CNBD1: variants seen among roughly 807,000 people sequenced by gnomAD.
CNBD1 encodes the protein cyclic nucleotide binding domain containing 1, also known as cyclic nucleotide-binding domain-containing protein 1.
In CNBD1, 71 loss-of-function variants were observed where a neutral mutation model predicts 54.4. The ratio of observed to expected loss-of-function variants is 1.30; its 90% CI spans 1.08 to 1.59. The LOEUF is 1.59. CNBD1 is among the 40% of genes most tolerant of loss of function. The pLI is 0.00. For missense variants in CNBD1, 659 were observed against 518.0 expected (o/e 1.27, Z -2.64); for synonymous variants, 182 against 170.7 (o/e 1.07, Z -0.51).
At chr8:87,423,408 G>C (rs1290307125) in intron 2 of CNBD1, among the ~76,000 whole-genome samples, 2 of 151,368 alleles carry the variant, frequency 1.3e-5, no homozygotes, top group African/African-American at 4.9e-5. Flanking sequence ...TATTGGCTGT[G>C]GGTTTGTCAC....
rs1429681140 is a variant in CNBD1 at position 87,182,811 on chromosome 8, A to G, written c.432-23182A>G. ...GATATTAGAACTTTGTCTGAAGCAT[A>G]GTTTGCAAGTATTTTCTCCCATTTA... is the stretch of plus-strand genomic sequence containing the variant. On this transcript the variant is annotated intron_variant, in intron 4 of 10. Coordinates refer to ENST00000518476, the MANE Select transcript of CNBD1 (RefSeq NM_173538.3). This position sits in a 1 kb window ranked among gnomAD's most constrained non-coding sequence, Gnocchi z 4.1. Among the ~76,000 whole-genome samples, 1 of 152,200 alleles carries G rather than the reference A, an allele frequency of 6.6e-6. No homozygotes were observed. The highest frequency in any genetic ancestry group is 1.5e-5 in the Non-Finnish European group (1 of 68,046).
At position 86,939,603 on chromosome 8, in the gene CNBD1, A is replaced by T; in HGVS notation, c.280A>T (p.Asn94Tyr). 1 of 1,583,462 alleles carries T rather than the reference A, an allele frequency of 6.3e-7. No homozygotes were observed. Among genetic ancestry groups the T allele is most frequent in the Non-Finnish European group, 8.6e-7 (1 of 1,168,800 alleles). Reference sequence around the variant, plus strand: ...CTATATTTTCTTGTTCAGGGAACTCAATGAAGGCAAAGAGGAAAGTCAACA... The same window carrying T: ...CTATATTTTCTTGTTCAGGGAACTCTATGAAGGCAAAGAGGAAAGTCAACA... ...LFKQEEQRELNEGKEESQHQQ... is the reference protein window; with the variant it reads ...LFKQEEQRELYEGKEESQHQQ... Residue 94 changes from asparagine to tyrosine, a missense_variant, in exon 4 of 11, where the codon AAT (asparagine) becomes TAT (tyrosine). Physicochemically the swap from Asn to Tyr is moderately radical, Grantham distance 143. Coordinates refer to ENST00000518476, the MANE Select transcript of CNBD1 (RefSeq NM_173538.3).
chr8:87,039,904 G>A (rs1345576987), intron 4 of CNBD1, among the ~76,000 whole-genome samples: 3 of 152,126 alleles, frequency 2.0e-5, no homozygotes, highest in Admixed American at 1.3e-4. Context: ...GGGAGTCAAT[G>A]CTGTCTTCTG....
Position 87,303,496 on chromosome 8 carries a change from T to C in CNBD1, c.1042+16825T>C, listed in dbSNP as rs1292735522. Among the ~76,000 whole-genome samples, 9 of 151,940 alleles carry C rather than the reference T, an allele frequency of 5.9e-5. No individual in the cohort carries two copies. In the East Asian group the frequency reaches 1.4e-3, roughly 23 times the overall value. On this transcript the variant is annotated intron_variant, in intron 8 of 10. Transcript: ENST00000518476. ...TATACAAAAATTAATTCAAGATGGA[T>C]TAAAGACTTAAATGTTAGACCTAAA...
intron 5 of CNBD1, among the ~76,000 whole-genome samples, chr8:87,234,647 C>G (rs1363336563): frequency 6.6e-6 from 1 of 152,008 alleles, no homozygotes; most frequent in Non-Finnish European, 1.5e-5. Flanking sequence ...CTTGGTTGTT[C>G]CATTTATAGA....
At chr8:86,955,295 G>A (rs918270193) in intron 4 of CNBD1, among the ~76,000 whole-genome samples, 7 of 152,212 alleles carry the variant, frequency 4.6e-5, no homozygotes, top group South Asian at 2.1e-4. Context: ...AAAAACATAC[G>A]TGTGCATGTG....
chr8:87,243,079 A>C (rs539549265), intron 6 of CNBD1, among the ~76,000 whole-genome samples: 9 of 152,184 alleles, frequency 5.9e-5, no homozygotes, highest in Admixed American at 1.3e-4. Context: ...TCCCAAATAC[A>C]AAATATTTCT....
At chr8:86,916,921 A>T (rs1335117767) in intron 3 of CNBD1, among the ~76,000 whole-genome samples, 2 of 148,936 alleles carry the variant, frequency 1.3e-5, no homozygotes, top group Non-Finnish European at 3.0e-5. Flanking sequence ...CCCAGACTGG[A>T]GTGCAGTGGC....
At chr8:87,349,415 G>A (rs1019745655) in intron 8 of CNBD1, among the ~76,000 whole-genome samples, 3 of 152,022 alleles carry the variant, frequency 2.0e-5, no homozygotes, top group South Asian at 2.1e-4. Context: ...TCACTCTGTC[G>A]CTCAGGTGGG....
At chr8:86,981,932 A>T (rs1339138996) in intron 4 of CNBD1, among the ~76,000 whole-genome samples, 1 of 152,204 alleles carries the variant, frequency 6.6e-6, no homozygotes, top group Admixed American at 6.5e-5. Flanking sequence ...AACACACAGA[A>T]GTGGGATTCC....
chr8:87,040,623 A>T (rs765955786), intron 4 of CNBD1, among the ~76,000 whole-genome samples: 1 of 151,546 alleles, frequency 6.6e-6, no homozygotes, highest in Non-Finnish European at 1.5e-5. Context: ...ATGGGGTTTC[A>T]TGGTGTTAGC....
chr8:87,394,198 G>T (rs1381793253), intron 2 of CNBD1, among the ~76,000 whole-genome samples: 2 of 151,778 alleles, frequency 1.3e-5, no homozygotes, highest in African/African-American at 4.8e-5. Flanking sequence ...TTGCCTTAAA[G>T]CATTACAACC....
intron 6 of CNBD1, among the ~76,000 whole-genome samples, chr8:87,245,029 A>T (rs1385914381): frequency 6.6e-6 from 1 of 152,120 alleles, no homozygotes; most frequent in East Asian, 1.9e-4. Context: ...TCAATCAGGA[A>T]ATATTTTTAC....
At chr8:87,288,701 C>T (rs566258766) in intron 8 of CNBD1, among the ~76,000 whole-genome samples, 12 of 151,920 alleles carry the variant, frequency 7.9e-5, no homozygotes, top group Admixed American at 1.3e-4. Flanking sequence ...GAAAAATAAA[C>T]GGTGGTGTTT....
Position 87,353,407 on chromosome 8 carries a change from A to G in CNBD1, c.1153-229A>G, listed in dbSNP as rs190797580. On this transcript the variant is annotated intron_variant, in intron 9 of 10. Transcript: ENST00000518476. ...ACATCTTTGTGGATTCTAAAGGACA[A>G]TGCTTTCAATTACCTTAGATATGCC... 3.9e-3 allele frequency among the ~76,000 whole-genome samples: 589 copies of G among 152,322 alleles called. 8 individuals carry two copies. Among genetic ancestry groups the G allele is most frequent in the African/African-American group, 0.013 (555 of 41,566 alleles).
chr8:86,886,178 G>T (rs1038015509), intron 1 of CNBD1, among the ~76,000 whole-genome samples: 1 of 151,928 alleles, frequency 6.6e-6, no homozygotes, highest in Non-Finnish European at 1.5e-5. Flanking sequence ...CAGGCTAAAT[G>T]AATACTTCAT....
intron 4 of CNBD1, among the ~76,000 whole-genome samples, chr8:87,045,734 A>AC (rs1209760198): frequency 2.3e-4 from 35 of 149,312 alleles, no homozygotes; most frequent in African/African-American, 8.5e-4. Flanking sequence ...CAAAAAAAAA[A>AC]AAAAAAAAAA....
chr8:87,076,915 C>T (rs1810885128), intron 4 of CNBD1, among the ~76,000 whole-genome samples: 1 of 152,174 alleles, frequency 6.6e-6, no homozygotes, highest in Admixed American at 6.5e-5. Flanking sequence ...TGTCTTGCAT[C>T]ATTGCACATG....
chr8:87,137,734 T>C (rs922322434), intron 4 of CNBD1, among the ~76,000 whole-genome samples: 21 of 152,120 alleles, frequency 1.4e-4, no homozygotes, highest in African/African-American at 4.3e-4. Flanking sequence ...TAAAGCATTA[T>C]AGTGAATTGG....
Sources: gnomAD v4.1 joint callset for allele counts (sites outside exome capture counted in the v4.1 genomes callset) on GRCh38, gnomAD v4.1.1 for gene constraint, Gnocchi (gnomAD v3.1) non-coding constraint, MANE v1.5 for transcripts, NCBI Gene and HGNC (gene_info 2026-07-23, HGNC 2026-07-21) for gene names.